Variants in TENM2 observed in about 807,000 individuals in gnomAD.
TENM2 encodes teneurin transmembrane protein 2.
In TENM2, 52 loss-of-function variants were observed where a neutral mutation model predicts 245.2. The ratio of observed to expected loss-of-function variants is 0.21; its 90% confidence interval spans 0.17 to 0.27. TENM2 has a LOEUF of 0.27. Ranked by LOEUF, TENM2 falls within the 10% of genes least tolerant of loss-of-function variation. TENM2 has a pLI of 1.00. For missense variants in TENM2, 3,046 were observed against 3,666.8 expected (o/e 0.83, Z 4.37); for synonymous variants, 1,363 against 1,438.9 (o/e 0.95, Z 1.19).
rs1473298474 is a variant in TENM2, at chr5:167,395,800, A to C, written c.502+20327A>C. ...GTTATACATCCTTTCACTTAAACTCAGTTTCCAGGAACCTATAGATAATTT... is the reference window on the plus strand; with the variant it reads ...GTTATACATCCTTTCACTTAAACTCCGTTTCCAGGAACCTATAGATAATTT... On this transcript the variant is annotated intron_variant, in intron 2 of 28. Coordinates refer to ENST00000518659, the Ensembl canonical transcript of TENM2. Among the ~76,000 whole-genome samples, 5 of 152,128 alleles carry C rather than the reference A, an allele frequency of 3.3e-5. No individual in the cohort carries two copies. In the East Asian group the frequency reaches 7.7e-4, roughly 23 times the overall value.
At chr5:167,848,709 G>A (rs955194986) in intron 2 of TENM2, among the ~76,000 whole-genome samples, 1 of 152,172 alleles carries the variant, frequency 6.6e-6, no homozygotes, top group Non-Finnish European at 1.5e-5. Flanking sequence ...ACTCTCTGGT[G>A]ACTTTTTTCC....
chr5:167,193,678 G>A, the TENM2 span, among the ~76,000 whole-genome samples: 1 of 152,046 alleles, frequency 6.6e-6, no homozygotes, highest in Admixed American at 6.6e-5. Context: ...TCTACTTGAG[G>A]CATTATAGAA....
At chr5:167,130,202 G>C in the TENM2 span, among the ~76,000 whole-genome samples, 1 of 152,140 alleles carries the variant, frequency 6.6e-6, no homozygotes, top group African/African-American at 2.4e-5. Context: ...GTAACACTAT[G>C]TAAAGAATAA....
the TENM2 span, among the ~76,000 whole-genome samples, chr5:166,988,877 G>A: frequency 6.6e-6 from 1 of 152,130 alleles, no homozygotes; most frequent in South Asian, 2.1e-4. Context: ...AAAGTTCCAA[G>A]CTGGTGCATC....
chr5:168,133,280 G>C (rs899917184), intron 12 of TENM2, among the ~76,000 whole-genome samples: 1 of 152,144 alleles, frequency 6.6e-6, no homozygotes, highest in Non-Finnish European at 1.5e-5. Flanking sequence ...TGCTTAGGGA[G>C]GGGGCAAAAG....
chr5:168,119,954 A>G, intron 10 of TENM2, among the ~76,000 whole-genome samples: 1 of 152,200 alleles, frequency 6.6e-6, no homozygotes, highest in East Asian at 1.9e-4. Flanking sequence ...TCAGATGCTA[A>G]TGGATTCATT....
intron 2 of TENM2, chr5:167,821,210 G>A (rs1227522916): frequency 6.6e-6 from 1 of 152,164 alleles, no homozygotes; most frequent in Admixed American, 6.5e-5. Context: ...TAAGGCATTT[G>A]GGGTCTAGAA....
At position 167,687,684 on chromosome 5, in the gene TENM2, A is replaced by G. The variant is rs1261621089; in HGVS notation, c.503-188302A>G. 1.3e-5 allele frequency among the ~76,000 whole-genome samples: 2 copies of G among 152,214 alleles called. 1 individual carries two copies. Among genetic ancestry groups the G allele is most frequent in the East Asian group, 3.9e-4 (2 of 5,188 alleles). Reference sequence around the variant, plus strand: ...AAAACTTAAAAAAAAAATCTACTTTATCCAGCCAACTTCACACTATTTATA... The same window carrying G: ...AAAACTTAAAAAAAAAATCTACTTTGTCCAGCCAACTTCACACTATTTATA... On this transcript the variant is annotated intron_variant, in intron 2 of 28. Transcript: ENST00000518659.
chr5:168,086,650 C>T (rs1251067746), intron 7 of TENM2, among the ~76,000 whole-genome samples: 1 of 152,168 alleles, frequency 6.6e-6, no homozygotes, highest in Non-Finnish European at 1.5e-5. Context: ...TCCTAAACCC[C>T]TTCCAGAGCT....
At chr5:168,034,055 A>ATT in intron 5 of TENM2, among the ~76,000 whole-genome samples, 1 of 146,994 alleles carries the variant, frequency 6.8e-6, no homozygotes, top group Non-Finnish European at 1.5e-5. Context: ...GTGTGTATAT[A>ATT]TATATATATG....
chr5:167,105,215 G>A, the TENM2 span, among the ~76,000 whole-genome samples: 2 of 152,162 alleles, frequency 1.3e-5, no homozygotes, highest in African/African-American at 4.8e-5. Flanking sequence ...TTTGACTTAA[G>A]AGGCTAAATT....
chr5:167,376,110 G>T (rs1256100556), intron 2 of TENM2, among the ~76,000 whole-genome samples: 1 of 152,146 alleles, frequency 6.6e-6, no homozygotes, highest in Non-Finnish European at 1.5e-5. Context: ...TTTCTAGGTG[G>T]ATTTTAATGA....
intron 5 of TENM2, among the ~76,000 whole-genome samples, chr5:168,042,067 G>A (rs1036529786): frequency 1.3e-5 from 2 of 152,116 alleles, no homozygotes; most frequent in Non-Finnish European, 2.9e-5. Context: ...TGACTTAATT[G>A]GCTGGTGCAG....
At chr5:167,821,869 C>G (rs1767555327) in intron 2 of TENM2, among the ~76,000 whole-genome samples, 1 of 152,030 alleles carries the variant, frequency 6.6e-6, no homozygotes, top group South Asian at 2.1e-4. Flanking sequence ...TAAGTGGTTT[C>G]ACCAGAACTT....
At chr5:167,968,168 TA>T (rs1781516716) in intron 4 of TENM2, among the ~76,000 whole-genome samples, 2 of 152,208 alleles carry the variant, frequency 1.3e-5, no homozygotes, top group African/African-American at 4.8e-5. Context: ...TGGGAATGTT[TA>T]AAAAAACTTT....
chr5:167,957,954 A>T (rs1347941083), intron 4 of TENM2, among the ~76,000 whole-genome samples: 2 of 152,132 alleles, frequency 1.3e-5, no homozygotes, highest in Non-Finnish European at 2.9e-5. Flanking sequence ...TATTCTGTTG[A>T]TTTGGGGTGG....
At chr5:167,299,940 T>C (rs1418759195) in intron 1 of TENM2, among the ~76,000 whole-genome samples, 1 of 152,036 alleles carries the variant, frequency 6.6e-6, no homozygotes, top group Non-Finnish European at 1.5e-5. Flanking sequence ...TTACGAGAAA[T>C]GTAGAGAGTG....
chr5:167,123,926 T>C, the TENM2 span, among the ~76,000 whole-genome samples: 5 of 152,234 alleles, frequency 3.3e-5, no homozygotes, highest in Admixed American at 2.0e-4. Flanking sequence ...GGTGGATCTT[T>C]AAAGAACTTC....
chr5:167,892,936 A>G (rs1639033367), intron 3 of TENM2, among the ~76,000 whole-genome samples: 1 of 152,196 alleles, frequency 6.6e-6, no homozygotes, highest in Non-Finnish European at 1.5e-5. Context: ...ATTAATAGCA[A>G]TAACATCCCA....
Sources: allele counts gnomAD v4.1 joint callset (sites outside exome capture counted in the v4.1 genomes callset), GRCh38; gene constraint gnomAD v4.1.1; transcripts MANE v1.5; gene names NCBI Gene and HGNC (gene_info 2026-07-23, HGNC 2026-07-21).